The following RBMS3 variants were observed in gnomAD, a reference collection of about 807,000 sequenced individuals.
RBMS3 encodes the protein RNA-binding motif, single-stranded-interacting protein 3.
In RBMS3, 27 loss-of-function variants were observed where a neutral mutation model predicts 66.8. The ratio of observed to expected loss-of-function variants is 0.40; its 90% CI spans 0.30 to 0.56. The LOEUF is 0.56. Ranked by LOEUF, RBMS3 falls within the 20% of genes least tolerant of loss-of-function variation. The probability of loss-of-function intolerance (pLI) is 0.40; values close to 1 mark genes in which losing one functional copy is unlikely to be tolerated. For synonymous variants in RBMS3, 188 were observed against 183.0 expected (o/e 1.03, Z -0.22); for missense variants, 513 against 549.5 (o/e 0.93, Z 0.66).
At chr3:29,906,483 T>G (rs2060381116) in intron 10 of RBMS3, among the ~76,000 whole-genome samples, 2 of 152,144 alleles carry the variant, frequency 1.3e-5, no homozygotes, top group Non-Finnish European at 2.9e-5. Flanking sequence ...ACAGCTGACA[T>G]TAATCCATTC....
chr3:29,404,969 T>C (rs1575725467), intron 1 of RBMS3, among the ~76,000 whole-genome samples: 1 of 152,114 alleles, frequency 6.6e-6, no homozygotes, highest in Non-Finnish European at 1.5e-5. Context: ...TTCTGAATTA[T>C]AATGAATGGT....
intron 4 of RBMS3, among the ~76,000 whole-genome samples, chr3:29,705,247 G>T (rs1160633606): frequency 2.0e-5 from 3 of 152,166 alleles, no homozygotes; most frequent in Non-Finnish European, 4.4e-5. Context: ...ATCACATAAA[G>T]CTTGAAAAAT....
intron 6 of RBMS3, among the ~76,000 whole-genome samples, chr3:29,851,028 C>T (rs559591931): frequency 2.0e-4 from 31 of 152,266 alleles, no homozygotes; most frequent in African/African-American, 5.3e-4. Flanking sequence ...AAGATTGCTC[C>T]CTCCTTTCTT....
At chr3:29,623,488 A>T (rs1011467489) in intron 4 of RBMS3, among the ~76,000 whole-genome samples, 6 of 149,650 alleles carry the variant, frequency 4.0e-5, no homozygotes, top group Non-Finnish European at 7.4e-5. Context: ...GCTACTCGGG[A>T]GGTTGAGGCA....
chr3:29,565,761 A>G (rs952109466), intron 3 of RBMS3, among the ~76,000 whole-genome samples: 9 of 152,170 alleles, frequency 5.9e-5, no homozygotes, highest in African/African-American at 1.7e-4. Flanking sequence ...GTAGTTCTTT[A>G]TGAAAAAAAT....
intron 3 of RBMS3, among the ~76,000 whole-genome samples, chr3:29,490,183 T>A (rs530443177): frequency 6.9e-6 from 1 of 144,868 alleles, no homozygotes; most frequent in South Asian, 2.2e-4. Context: ...AAATTAAAAT[T>A]TAAAATTTTG....
chr3:29,574,520 A>AT (rs1454041970), intron 3 of RBMS3, among the ~76,000 whole-genome samples: 1 of 151,816 alleles, frequency 6.6e-6, no homozygotes, highest in Non-Finnish European at 1.5e-5. Flanking sequence ...CCATTTAGCC[A>AT]TTCTATGTCT....
chr3:29,985,813 C>A (rs551334612), intron 12 of RBMS3, among the ~76,000 whole-genome samples: 1 of 152,106 alleles, frequency 6.6e-6, no homozygotes, highest in African/African-American at 2.4e-5. Flanking sequence ...CCAACTACCC[C>A]CAATGCTTAT....
At chr3:29,966,158 G>A (rs917331102) in intron 12 of RBMS3, among the ~76,000 whole-genome samples, 3 of 152,020 alleles carry the variant, frequency 2.0e-5, no homozygotes, top group South Asian at 2.1e-4. Flanking sequence ...CAGGTGGTGC[G>A]ATACCTCCAG....
chr3:29,732,953 T>C (rs968183219), intron 4 of RBMS3, among the ~76,000 whole-genome samples: 16 of 152,062 alleles, frequency 1.1e-4, no homozygotes, highest in Non-Finnish European at 2.9e-5. Flanking sequence ...ACTTACTAAC[T>C]TAAAATATAG....
At chr3:29,946,071 AT>A (rs1553705417) in intron 12 of RBMS3, among the ~76,000 whole-genome samples, 1 of 151,762 alleles carries the variant, frequency 6.6e-6, no homozygotes, top group African/African-American at 2.4e-5. Context: ...ATTTTGGGAG[AT>A]TTCACAGTTA....
chr3:29,629,065 C>T lies in RBMS3; in HGVS notation c.399+41860C>T, dbSNP rs185784598. Among the ~76,000 whole-genome samples the T allele has an allele frequency of 2.0e-3, 299 of 152,184 alleles. 3 individuals carry two copies. Among genetic ancestry groups the T allele is most frequent in the African/African-American group, 7.1e-3 (294 of 41,546 alleles). On this transcript the variant is annotated intron_variant, in intron 4 of 14. Coordinates refer to ENST00000383767, the MANE Select transcript of RBMS3 (RefSeq NM_001003793.3). ...GTGCATATGCAGGCCATCATGATGA[C>T]ATAATGATTGTATCTGGTTGGTAGC... is the stretch of plus-strand genomic sequence containing the variant.
chr3:29,653,214 TAG>T (rs2050203758), intron 4 of RBMS3, among the ~76,000 whole-genome samples: 1 of 152,170 alleles, frequency 6.6e-6, no homozygotes, highest in South Asian at 2.1e-4. Context: ...TATTAGCCAT[TAG>T]ATCTCAGATA....
chr3:29,384,079 G>T (rs1306753630), intron 1 of RBMS3, among the ~76,000 whole-genome samples: 1 of 152,164 alleles, frequency 6.6e-6, no homozygotes, highest in African/African-American at 2.4e-5. Context: ...ACTTTGGGAG[G>T]CCAAGCCAGG....
intron 5 of RBMS3, among the ~76,000 whole-genome samples, chr3:29,750,088 T>C (rs2055104583): frequency 6.6e-6 from 1 of 152,184 alleles, no homozygotes; most frequent in Non-Finnish European, 1.5e-5. Flanking sequence ...AAAAAAGTCA[T>C]AAAAATCATT....
At chr3:29,999,006 T>C (rs2125396708) in intron 14 of RBMS3, among the ~76,000 whole-genome samples, 1 of 152,144 alleles carries the variant, frequency 6.6e-6, no homozygotes, top group East Asian at 1.9e-4. Flanking sequence ...GGAGAAAATT[T>C]TCGCAACCTA....
At chr3:29,835,846 T>TA (rs1209924460) in intron 6 of RBMS3, among the ~76,000 whole-genome samples, 2 of 151,330 alleles carry the variant, frequency 1.3e-5, no homozygotes, top group Non-Finnish European at 3.0e-5. Flanking sequence ...TACTTTTTTT[T>TA]AAAAAAAGGT....
At chr3:29,928,201 T>TAC (rs1227395276) in intron 10 of RBMS3, among the ~76,000 whole-genome samples, 8 of 109,044 alleles carry the variant, frequency 7.3e-5, no homozygotes, top group African/African-American at 2.7e-4. Context: ...TATATATATA[T>TAC]ATATATATAT....
intron 8 of RBMS3, among the ~76,000 whole-genome samples, chr3:29,892,053 T>A (rs1236037717): frequency 6.6e-6 from 1 of 151,552 alleles, no homozygotes; most frequent in African/African-American, 2.4e-5. Context: ...AATAAGATTT[T>A]ACCATATTAC....
Sources: gnomAD v4.1 joint callset for allele counts (sites outside exome capture counted in the v4.1 genomes callset) on GRCh38, gnomAD v4.1.1 for gene constraint, MANE v1.5 for transcripts, NCBI Gene and HGNC (gene_info 2026-07-23, HGNC 2026-07-21) for gene names.